Variants in COL6A2 observed in about 807,000 individuals in gnomAD.
COL6A2 encodes the protein collagen alpha-2(VI) chain.
Under a neutral mutation model 124.9 loss-of-function variants are expected in COL6A2, and 90 were observed. The observed-to-expected ratio is 0.72, with a 90% CI of 0.61 to 0.86. The LOEUF (loss-of-function observed/expected upper bound fraction) is 0.86, where lower values mean the gene tolerates loss of function less well. COL6A2 is among the 40% of genes least tolerant of loss of function. The probability of loss-of-function intolerance (pLI) is 0.00; values close to 1 mark genes in which losing one functional copy is unlikely to be tolerated. For synonymous variants in COL6A2, 793 were observed against 618.2 expected, an observed-to-expected ratio of 1.28 and a Z score of -4.19; for missense variants, 1,607 against 1,502.5, an observed-to-expected ratio of 1.07 and a Z score of -1.15.
chr21:46,128,900 CAG>C, intron 27 of COL6A2: 1 of 1,610,724 alleles, frequency 6.2e-7, no homozygotes, highest in Non-Finnish European at 8.5e-7. Context: ...GTCTCCGGCA[CAG>C]GTTTGGACGG....
intron 1 of COL6A2, among the ~76,000 whole-genome samples, chr21:46,105,774 A>G (rs1275568305): frequency 1.3e-5 from 2 of 152,236 alleles, no homozygotes; most frequent in African/African-American, 4.8e-5. Flanking sequence ...CATCAAAAAA[A>G]TTAATTAAAC....
At chr21:46,100,990 C>T (rs2078282560) in intron 1 of COL6A2, among the ~76,000 whole-genome samples, 1 of 152,314 alleles carries the variant, frequency 6.6e-6, no homozygotes, top group East Asian at 1.9e-4. Context: ...CCCACGGTGG[C>T]TGCACCATTT....
rs56083556 is a variant in COL6A2 at position 46,101,847 on chromosome 21, ATTTTTTTTTTTTTTT to A, written c.-28+3688_-28+3702del. Among the ~76,000 whole-genome samples the A allele has an allele frequency of 1.1e-3, 77 of 71,512 alleles. 1 individual carries two copies. The highest frequency in any genetic ancestry group is 4.8e-3 in the African/African-American group (74 of 15,552). The allele number at this position is 71,512 out of a possible 152,430, so 46.9% of individuals were successfully genotyped here. On this transcript the variant is annotated intron_variant, in intron 1 of 27. Transcript: ENST00000300527. ...CCCAGCTTTGTTCTTATCTTTCACG[ATTTTTTTTTTTTTTT>A]TTTTTTTTTTTTTGGCTATTCGAGG... is the stretch of plus-strand genomic sequence containing the variant.
chr21:46,124,550 C>A, intron 21 of COL6A2, 101 bp from the exon 22 acceptor site: 1 of 1,088,014 alleles, frequency 9.2e-7, no homozygotes, highest in Non-Finnish European at 1.4e-6. Context: ...CCCCCCCCCG[C>A]CAAGGGAGGA....
Position 46,110,471 on chromosome 21 carries a change from C to G in COL6A2, c.-27-979C>G, listed in dbSNP as rs532726975. Among the ~76,000 whole-genome samples, 14 of 152,244 alleles carry G rather than the reference C, an allele frequency of 9.2e-5. No homozygotes were observed. In the East Asian group the frequency reaches 2.5e-3, roughly 27 times the overall value. On this transcript the variant is annotated intron_variant, in intron 1 of 27. Transcript: ENST00000300527. ...TTGTCCTTGAAGCTGTGAAACTCAC[C>G]CACAAACTGCCTGAGCTGGCACCTT...
rs565864024 is a variant in COL6A2 at position 46,128,978 on chromosome 21, TCTC to T, written c.2461+2440_2461+2442del. On this transcript the variant is annotated intron_variant, in intron 27 of 27. Coordinates refer to ENST00000300527, the MANE Select transcript of COL6A2 (RefSeq NM_001849.4). Reference sequence around the variant, plus strand: ...TCCCCCAAAGGTGCCACCGTGCGGGTCTCCTAGCTCCCTGCCAGCTTCCTGTCC... The same window carrying T: ...TCCCCCAAAGGTGCCACCGTGCGGGTCTAGCTCCCTGCCAGCTTCCTGTCC... 4.8e-5 allele frequency: 78 copies of T among 1,608,388 alleles called. No individual in the cohort carries two copies. In the South Asian group the frequency reaches 8.3e-4, roughly 17 times the overall value.
At position 46,104,506 on chromosome 21, in the gene COL6A2, T is replaced by C. The variant is rs182858006; in HGVS notation, c.-28+6333T>C. ...AGTCTGAGGAGCAGAAATAAAAAGA[T>C]TGAATAAAGGTGATCAGAGCCTAAG... On this transcript the variant is annotated intron_variant, in intron 1 of 27. Transcript: ENST00000300527. Among the ~76,000 whole-genome samples, 339 of 152,082 alleles carry C rather than the reference T, an allele frequency of 2.2e-3. 1 individual carries two copies. The highest frequency in any genetic ancestry group is 7.8e-3 in the African/African-American group (323 of 41,498).
At chr21:46,103,665 TA>T in intron 1 of COL6A2, among the ~76,000 whole-genome samples, 1 of 152,390 alleles carries the variant, frequency 6.6e-6, no homozygotes, top group South Asian at 2.1e-4. Context: ...GATCCTTGGT[TA>T]TTTAACAGGG....
In COL6A2 at chr21:46,116,429, C is replaced by A. The variant is rs778739031; in HGVS notation, c.927+26C>A. ...GTGAGGCTCTTGCCCTGACAGACCTCAGACCTGCGCCAGCCTCGGCCCAGA... is the reference window on the plus strand; with the variant it reads ...GTGAGGCTCTTGCCCTGACAGACCTAAGACCTGCGCCAGCCTCGGCCCAGA... On this transcript the variant is annotated intron_variant, in intron 8 of 27. Coordinates refer to ENST00000300527, the MANE Select transcript of COL6A2 (RefSeq NM_001849.4). This position sits in a 1 kb window ranked among gnomAD's most constrained non-coding sequence, Gnocchi z 4.6. 6.2e-7 allele frequency: 1 copy of A among 1,612,402 alleles called. No homozygotes were observed. The highest frequency in any genetic ancestry group is 1.1e-5 in the South Asian group (1 of 91,078).
chr21:46,127,655 G>A (rs2078693436), intron 27 of COL6A2, among the ~76,000 whole-genome samples: 1 of 152,128 alleles, frequency 6.6e-6, no homozygotes, highest in Non-Finnish European at 1.5e-5. Flanking sequence ...CGTTCCTGAT[G>A]GGGCAGGGAA....
intron 23 of COL6A2, 74 bp downstream of exon 23, chr21:46,124,994 G>C: frequency 6.4e-7 from 1 of 1,566,016 alleles, no homozygotes; most frequent in Non-Finnish European, 8.8e-7. Flanking sequence ...AGGGGTGGGG[G>C]AAGGTCAGCT....
intron 1 of COL6A2, among the ~76,000 whole-genome samples, chr21:46,109,067 G>T (rs1271875466): frequency 6.6e-6 from 1 of 152,096 alleles, no homozygotes; most frequent in Non-Finnish European, 1.5e-5. Flanking sequence ...GGAGTGGGTG[G>T]CTCCTCTCTG....
At chr21:46,126,659 A>G in intron 27 of COL6A2, 118 bp downstream of exon 27, 1 of 1,243,724 alleles carries the variant, frequency 8.0e-7, no homozygotes, top group Non-Finnish European at 1.2e-6. Flanking sequence ...CGGCGGAGCC[A>G]CTGCGGAGGC....
At position 46,131,823 on chromosome 21, in the gene COL6A2, GC is replaced by G; in HGVS notation, c.2462-126del. Reference sequence around the variant, plus strand: ...ACACCCAGGGCTGCCCTGCAGAAACGCCCCCGCAGAGCCCAGTGGTCTGTGA... The same window carrying G: ...ACACCCAGGGCTGCCCTGCAGAAACGCCCCGCAGAGCCCAGTGGTCTGTGA... On this transcript the variant is annotated intron_variant, in intron 27 of 27. Coordinates refer to ENST00000300527, the MANE Select transcript of COL6A2 (RefSeq NM_001849.4). The G allele has an allele frequency of 1.2e-5, 10 of 864,638 alleles. No individual in the cohort carries two copies. In the South Asian group the frequency reaches 1.4e-4, roughly 12 times the overall value. The allele number at this position is 864,638 out of a possible 1,614,324, so 53.6% of individuals were successfully genotyped here. A position where few individuals can be genotyped will look rare whatever the true frequency, so the allele number is the denominator to read the frequency against.
At position 46,105,725 on chromosome 21, in the gene COL6A2, A is replaced by G. The variant is rs551813150; in HGVS notation, c.-27-5725A>G. Among the ~76,000 whole-genome samples, 4 of 152,324 alleles carry G rather than the reference A, an allele frequency of 2.6e-5. No individual in the cohort carries two copies. In the East Asian group the frequency reaches 7.7e-4, roughly 29 times the overall value. On this transcript the variant is annotated intron_variant, in intron 1 of 27. Transcript: ENST00000300527. ...CAACAAAGAAAATAACTAAAGAATA[A>G]ATACAAAAGGGAATGAGGAAGGGAT...
chr21:46,118,672 G>A lies in COL6A2; in HGVS notation c.1175G>A (p.Ser392Asn), dbSNP rs2123635912. 1 of 1,610,158 alleles carries A rather than the reference G, an allele frequency of 6.2e-7. No individual in the cohort carries two copies. Among genetic ancestry groups the A allele is most frequent in the Non-Finnish European group, 8.5e-7 (1 of 1,179,110 alleles). ...GPPGEIGAKG[S>N]KGYQGNSGAP... ...CCGGGAGAAATCGGGGCCAAGGGAA[G>A]CAAGGTGAGCCCCTCTGCCTCTTCG... The change falls in exon 13 of 28, where the codon AGC (serine) becomes AAC (asparagine). Residue 392 changes from serine (S) to asparagine (N), a missense_variant. Around this residue, in one of 3 missense-constraint regions of COL6A2, gnomAD observed 1,223 missense variants for 1,052.2 expected, o/e 1.16. Transcript: ENST00000300527.
At chr21:46,129,314 C>T (rs779759188) in intron 27 of COL6A2, 1 of 1,612,950 alleles carries the variant, frequency 6.2e-7, no homozygotes, top group Non-Finnish European at 8.5e-7. Flanking sequence ...CCACGGAGCT[C>T]ACGCAGGACC....
At chr21:46,112,990 C>A in intron 4 of COL6A2, 166 bp downstream of exon 4, 1 of 848,762 alleles carries the variant, frequency 1.2e-6, no homozygotes, top group Non-Finnish European at 1.9e-6. Context: ...AGAAAGGGCT[C>A]CCAGCCAAAG....
rs1207689300 is a variant in COL6A2, at chr21:46,122,936, C to T, written c.1670C>T (p.Pro557Leu). ...EPGRKGEKGE[P>L]ADPGPPGEPG... The stretch of plus-strand genomic sequence containing the variant: ...GGGAGGAAAGGAGAGAAAGGAGAGC[C>T]TGTGAGTGTCACCGTCCCGAAGCCC... Residue 557 changes from proline to leucine, a missense_variant and splice_region_variant, in exon 21 of 28, where the codon CCT becomes CTT. Physicochemically the swap from Pro to Leu is moderately conservative, Grantham distance 98. This residue lies in a region of COL6A2 where 1,223 missense variants were observed against 1,052.2 expected (regional missense o/e 1.16). Coordinates refer to ENST00000300527, the MANE Select transcript of COL6A2 (RefSeq NM_001849.4). 1.2e-6 allele frequency: 2 copies of T among 1,613,152 alleles called. No individual in the cohort carries two copies. Among genetic ancestry groups the T allele is most frequent in the Non-Finnish European group, 1.7e-6 (2 of 1,179,904 alleles).
Sources: gnomAD v4.1 joint callset for allele counts (sites outside exome capture counted in the v4.1 genomes callset) on GRCh38, gnomAD v4.1.1 for gene constraint, gnomAD v4.1.1 regional missense constraint, Gnocchi (gnomAD v3.1) non-coding constraint, MANE v1.5 for transcripts, NCBI Gene and HGNC (gene_info 2026-07-23, HGNC 2026-07-21) for gene names.